DAB2IP: variants seen among roughly 807,000 people sequenced by gnomAD.
The protein encoded by DAB2IP is disabled homolog 2-interacting protein.
In DAB2IP, 28 loss-of-function variants were observed where a neutral mutation model predicts 107.2. The observed-to-expected ratio is 0.26, with a 90% CI of 0.19 to 0.36. The LOEUF (loss-of-function observed/expected upper bound fraction) is 0.36, where lower values mean the gene tolerates loss of function less well. Ranked by LOEUF, DAB2IP falls within the 10% of genes least tolerant of loss-of-function variation. DAB2IP has a pLI of 1.00. For missense variants in DAB2IP, 1,400 were observed against 1,644.7 expected, an observed-to-expected ratio of 0.85 and a Z score of 2.57; for synonymous variants, 755 against 706.4, an observed-to-expected ratio of 1.07 and a Z score of -1.09.
At chr9:121,603,996 G>C (rs1830779921) in intron 1 of DAB2IP, among the ~76,000 whole-genome samples, 2 of 152,122 alleles carry the variant, frequency 1.3e-5, no homozygotes, top group African/African-American at 4.8e-5. Context: ...AGTCCAGAGG[G>C]GGACAGGTAG....
intron 3 of DAB2IP, among the ~76,000 whole-genome samples, chr9:121,713,715 G>A (rs1254293589): frequency 1.3e-5 from 2 of 152,162 alleles, no homozygotes; most frequent in Non-Finnish European, 2.9e-5. Context: ...CAGCAGCTGG[G>A]CTTAGAGGCT....
At chr9:121,603,079 C>A (rs1297973051) in intron 1 of DAB2IP, among the ~76,000 whole-genome samples, 1 of 152,220 alleles carries the variant, frequency 6.6e-6, no homozygotes, top group Non-Finnish European at 1.5e-5. Flanking sequence ...CTCCCCTCAA[C>A]ACCTTCTTCC....
rs965336886 is a variant in DAB2IP at position 121,576,335 on chromosome 9, A to C, written c.40+9107A>C. The C allele has an allele frequency of 5.3e-5, 8 of 152,232 alleles. 1 individual carries two copies. The highest frequency in any genetic ancestry group is 1.9e-4 in the African/African-American group (8 of 41,308). The allele number at this position is 152,232 out of a possible 1,614,324, so 9.4% of individuals were successfully genotyped here. ...TTGCCACTCCCATCATCATGAATTA[A>C]TTTCTGCCTTGAATCTGCCTCTCTC... On this transcript the variant is annotated intron_variant, in intron 1 of 16. Coordinates refer to the DAB2IP transcript ENST00000259371.
intron 1 of DAB2IP, among the ~76,000 whole-genome samples, chr9:121,667,084 C>T (rs1419531972): frequency 1.3e-5 from 2 of 152,164 alleles, no homozygotes; most frequent in East Asian, 3.9e-4. Context: ...CATCTTGGCT[C>T]ACTGCAACCT....
At chr9:121,720,207 C>T (rs1830842409) in intron 3 of DAB2IP, among the ~76,000 whole-genome samples, 2 of 152,184 alleles carry the variant, frequency 1.3e-5, no homozygotes, top group South Asian at 4.1e-4. Context: ...GTCCTTACTT[C>T]CTTGCAGTTC....
chr9:121,779,174 T>A (rs1835418199), intron 14 of DAB2IP, among the ~76,000 whole-genome samples: 1 of 152,226 alleles, frequency 6.6e-6, no homozygotes, highest in Non-Finnish European at 1.5e-5. Flanking sequence ...ATTAATCTGA[T>A]CCAGTATTTT....
At position 121,702,701 on chromosome 9, in the gene DAB2IP, G is replaced by T. The variant is rs1289889371; in HGVS notation, c.362+3243G>T. 6.6e-6 allele frequency among the ~76,000 whole-genome samples: 1 copy of T among 152,114 alleles called. No homozygotes were observed. Among genetic ancestry groups the T allele is most frequent in the African/African-American group, 2.4e-5 (1 of 41,408 alleles). ...TAATGTTGGTAAAAGTGATATAGAG[G>T]ATGTGGTTCTGTCAGCCCAGAGGAT... On this transcript the variant is annotated intron_variant, in intron 3 of 15. Transcript: ENST00000408936. This position sits in a 1 kb window ranked among gnomAD's most constrained non-coding sequence, Gnocchi z 4.5.
At chr9:121,649,583 C>G (rs148966942), upstream of DAB2IP, among the ~76,000 whole-genome samples, 194 of 152,312 alleles carry the variant, frequency 1.3e-3, 4 homozygotes, top group South Asian at 0.029. Context: ...GCCCTGGGAG[C>G]AGGACCGTTG....
intron 1 of DAB2IP, among the ~76,000 whole-genome samples, chr9:121,612,728 A>AGT (rs921331743): frequency 3.9e-5 from 6 of 152,086 alleles, no homozygotes; most frequent in African/African-American, 1.4e-4. Flanking sequence ...TGTAGACAGC[A>AGT]GTGTGTGTGT....
At chr9:121,705,045 C>T (rs1379910744) in intron 3 of DAB2IP, among the ~76,000 whole-genome samples, 7 of 152,214 alleles carry the variant, frequency 4.6e-5, no homozygotes, top group Non-Finnish European at 4.4e-5. Context: ...ACGACCTGGA[C>T]GTATAGAAGA....
intron 1 of DAB2IP, among the ~76,000 whole-genome samples, chr9:121,578,847 T>A (rs183141933): frequency 7.0e-6 from 1 of 142,620 alleles, no homozygotes; most frequent in Admixed American, 7.5e-5. Flanking sequence ...TTCAAGCTAT[T>A]CTCCTGCCTC....
At chr9:121,743,409 T>A (rs1832485810) in intron 3 of DAB2IP, among the ~76,000 whole-genome samples, 1 of 152,198 alleles carries the variant, frequency 6.6e-6, no homozygotes, top group African/African-American at 2.4e-5. Context: ...AACCTGATCA[T>A]GAATTTTGGA....
intron 1 of DAB2IP, among the ~76,000 whole-genome samples, chr9:121,579,862 G>A (rs541684559): frequency 2.0e-5 from 3 of 152,320 alleles, no homozygotes; most frequent in Admixed American, 1.3e-4. Flanking sequence ...GCCACACACA[G>A]TGGGGTATTA....
intron 1 of DAB2IP, among the ~76,000 whole-genome samples, chr9:121,571,621 C>T (rs533611494): frequency 2.0e-5 from 3 of 152,128 alleles, no homozygotes; most frequent in African/African-American, 7.3e-5. Flanking sequence ...AAGCGCCTTT[C>T]GTCTAGTGAA....
At chr9:121,743,628 T>C (rs1832510852) in intron 3 of DAB2IP, among the ~76,000 whole-genome samples, 1 of 152,172 alleles carries the variant, frequency 6.6e-6, no homozygotes, top group Non-Finnish European at 1.5e-5. Context: ...GGGGCTAGGC[T>C]GGCCGGGGCC....
chr9:121,602,138 C>T (rs1053516708), intron 1 of DAB2IP, among the ~76,000 whole-genome samples: 1 of 152,242 alleles, frequency 6.6e-6, no homozygotes, highest in East Asian at 1.9e-4. Context: ...ATATAGTTTT[C>T]AACAGATCTG....
chr9:121,730,259 G>A (rs1282736340), intron 3 of DAB2IP, among the ~76,000 whole-genome samples: 1 of 152,190 alleles, frequency 6.6e-6, no homozygotes, highest in East Asian at 1.9e-4. Flanking sequence ...GGCCAGAAGG[G>A]ACATGGGAAA....
chr9:121,690,533 T>C (rs1330727768), intron 2 of DAB2IP, among the ~76,000 whole-genome samples: 1 of 152,178 alleles, frequency 6.6e-6, no homozygotes, highest in Non-Finnish European at 1.5e-5. Flanking sequence ...AAGTGTCAGC[T>C]GGAGGATCTA....
chr9:121,640,938 A>G (rs532587638), intron 1 of DAB2IP, among the ~76,000 whole-genome samples: 1 of 152,192 alleles, frequency 6.6e-6, no homozygotes, highest in Non-Finnish European at 1.5e-5. Flanking sequence ...ATGCTAGACA[A>G]GACTAGGTGA....
Sources: allele counts gnomAD v4.1 joint callset (sites outside exome capture counted in the v4.1 genomes callset), GRCh38; gene constraint gnomAD v4.1.1; non-coding constraint Gnocchi (gnomAD v3.1); transcripts MANE v1.5; gene names NCBI Gene and HGNC (gene_info 2026-07-23, HGNC 2026-07-21).